VPS37A: variants seen among roughly 807,000 people sequenced by gnomAD.
VPS37A encodes the protein vacuolar protein sorting-associated protein 37A.
In VPS37A, 30 loss-of-function variants were observed where a neutral mutation model predicts 49.8. That is an observed-to-expected ratio of 0.60 (90% CI 0.45 to 0.82). The LOEUF is 0.82. Ranked by LOEUF, VPS37A falls within the 40% of genes least tolerant of loss-of-function variation. VPS37A has a pLI of 0.00. For missense variants in VPS37A, 593 were observed against 464.4 expected (o/e 1.28, Z -2.55); for synonymous variants, 195 against 160.6 (o/e 1.21, Z -1.62).
At chr8:17,255,795 C>G (rs1444600825) in intron 1 of VPS37A, among the ~76,000 whole-genome samples, 1 of 152,046 alleles carries the variant, frequency 6.6e-6, no homozygotes, top group Non-Finnish European at 1.5e-5. Context: ...CAATGTTTGT[C>G]TTTTTGTGTT....
At chr8:17,256,458 T>C (rs1023443220) in intron 1 of VPS37A, among the ~76,000 whole-genome samples, 1 of 151,704 alleles carries the variant, frequency 6.6e-6, no homozygotes, top group African/African-American at 2.4e-5. Flanking sequence ...AAATGTTTGT[T>C]GAGATCTTTT....
At chr8:17,274,221 A>G (rs1814283345) in intron 4 of VPS37A, among the ~76,000 whole-genome samples, 1 of 152,246 alleles carries the variant, frequency 6.6e-6, no homozygotes, top group Non-Finnish European at 1.5e-5. Context: ...TTATATATGC[A>G]TCTGTTTTTA....
At chr8:17,300,406 A>G (rs539630904), downstream of VPS37A, 2 of 625,328 alleles carry the variant, frequency 3.2e-6, no homozygotes, top group African/African-American at 1.8e-5. Context: ...GGCCTGCTTT[A>G]TCTCTAATGT....
intron 1 of VPS37A, among the ~76,000 whole-genome samples, chr8:17,261,587 C>G (rs143039237): frequency 3.3e-5 from 5 of 152,274 alleles, no homozygotes; most frequent in African/African-American, 1.2e-4. Context: ...TCTTCTCTCT[C>G]TGGCTTGTTT....
At chr8:17,278,933 C>T (rs573093796) in intron 6 of VPS37A, among the ~76,000 whole-genome samples, 2 of 152,072 alleles carry the variant, frequency 1.3e-5, no homozygotes, top group South Asian at 2.1e-4. Flanking sequence ...AACTAAGATA[C>T]GTTCAGAAAA....
At chr8:17,321,667 C>T in the VPS37A span, among the ~76,000 whole-genome samples, 1 of 152,162 alleles carries the variant, frequency 6.6e-6, no homozygotes, top group Non-Finnish European at 1.5e-5. Flanking sequence ...TTTGTTCACT[C>T]TTGTTGCCAA....
chr8:17,288,587 A>G (rs1054672301), intron 11 of VPS37A, among the ~76,000 whole-genome samples: 1 of 152,198 alleles, frequency 6.6e-6, no homozygotes, highest in Non-Finnish European at 1.5e-5. Context: ...TCCATGGTGT[A>G]TATGTGCCAC....
chr8:17,274,784 A>G lies in VPS37A; in HGVS notation c.468A>G (p.Pro156=), dbSNP rs771359194. 80 of 1,613,920 alleles carry G rather than the reference A, an allele frequency of 5.0e-5. No homozygotes were observed. The highest frequency in any genetic ancestry group is 6.8e-5 in the Non-Finnish European group (80 of 1,179,998). ...CTCCTTATGCTTCTCAGGGTTTTCC[A>G]TTTCTTCCTCCATATCCTCCACAAG... is the stretch of plus-strand genomic sequence containing the variant. ...GMSPYASQGF[P]FLPPYPPQEA... Residue 156 remains proline, a synonymous_variant, in exon 5 of 12, where the codon CCA becomes CCG. Transcript: ENST00000324849.
intron 1 of VPS37A, among the ~76,000 whole-genome samples, chr8:17,249,142 T>G (rs1811742054): frequency 6.6e-6 from 1 of 152,242 alleles, no homozygotes; most frequent in African/African-American, 2.4e-5. Context: ...GACTAATTTT[T>G]TTCTTCGAGG....
Position 17,268,884 on chromosome 8 carries a change from T to C in VPS37A, c.344T>C (p.Ile115Thr). The C allele has an allele frequency of 1.9e-6, 3 of 1,609,680 alleles. No individual in the cohort carries two copies. Among genetic ancestry groups the C allele is most frequent in the Non-Finnish European group, 2.5e-6 (3 of 1,179,148 alleles). The change falls in exon 4 of 12, where the codon ATT (isoleucine) becomes ACT (threonine). Residue 115 changes from isoleucine (I) to threonine (T), a missense_variant. Coordinates refer to ENST00000324849, the MANE Select transcript of VPS37A (RefSeq NM_152415.3). ...ACAATGCACTCAGATCTTGGAAAAA[T>C]TATTCAGAGTCTGTTGGATGAGTTT... is the stretch of plus-strand genomic sequence containing the variant. ...NFTMHSDLGK[I>T]IQSLLDEFWK...
chr8:17,313,452 T>C, the VPS37A span: 1 of 1,182,718 alleles, frequency 8.5e-7, no homozygotes. Context: ...TCTCTCATTT[T>C]ACATATGATC....
the VPS37A span, among the ~76,000 whole-genome samples, chr8:17,324,209 A>C: frequency 1.5e-4 from 23 of 152,336 alleles, no homozygotes; most frequent in South Asian, 4.8e-3. Flanking sequence ...TGAAGGAAGC[A>C]CTTGTCTATC....
chr8:17,326,679 A>G, the VPS37A span, among the ~76,000 whole-genome samples: 2 of 152,216 alleles, frequency 1.3e-5, no homozygotes, highest in Admixed American at 1.3e-4. Flanking sequence ...GTGAACAGCC[A>G]ACATGTGGGG....
At chr8:17,298,807 A>C (rs1816909331), downstream of VPS37A, 1 of 152,558 alleles carries the variant, frequency 6.6e-6, no homozygotes, top group Non-Finnish European at 1.5e-5. Flanking sequence ...TTAAATGTGC[A>C]GTGTAACAAA....
chr8:17,323,657 G>T, the VPS37A span, among the ~76,000 whole-genome samples: 13 of 152,004 alleles, frequency 8.6e-5, no homozygotes, highest in African/African-American at 3.1e-4. Context: ...GGGGTGGGGG[G>T]TCATTCCACA....
At chr8:17,316,969 G>T in the VPS37A span, among the ~76,000 whole-genome samples, 1 of 152,188 alleles carries the variant, frequency 6.6e-6, no homozygotes, top group Non-Finnish European at 1.5e-5. Flanking sequence ...TCACCAGTAG[G>T]TTGGGAAAGT....
chr8:17,328,891 T>C, the VPS37A span, among the ~76,000 whole-genome samples: 2 of 152,122 alleles, frequency 1.3e-5, no homozygotes, highest in Non-Finnish European at 2.9e-5. Context: ...CCCACAAAAA[T>C]AGTTTGGTTG....
chr8:17,293,238 G>C (rs1228073592), intron 11 of VPS37A, among the ~76,000 whole-genome samples: 4 of 150,974 alleles, frequency 2.6e-5, no homozygotes, highest in East Asian at 2.0e-4. Flanking sequence ...CTGCTTGATC[G>C]ATTGGGCTGT....
intron 10 of VPS37A, among the ~76,000 whole-genome samples, 180 bp downstream of exon 10, chr8:17,284,796 G>C (rs1263562039): frequency 6.6e-6 from 1 of 152,134 alleles, no homozygotes; most frequent in Non-Finnish European, 1.5e-5. Context: ...GCAAAAACCA[G>C]GTTCCTGGAA....
Sources: gnomAD v4.1 joint callset for allele counts (sites outside exome capture counted in the v4.1 genomes callset) on GRCh38, gnomAD v4.1.1 for gene constraint, MANE v1.5 for transcripts, NCBI Gene and HGNC (gene_info 2026-07-23, HGNC 2026-07-21) for gene names.